PRPSAP2: variants seen among roughly 807,000 people sequenced by gnomAD.
The protein encoded by PRPSAP2 is phosphoribosyl pyrophosphate synthase-associated protein 2.
In PRPSAP2, 24 loss-of-function variants were observed where a neutral mutation model predicts 40.6. The ratio of observed to expected loss-of-function variants is 0.59; its 90% CI spans 0.43 to 0.83. The LOEUF is 0.83. Ranked by LOEUF, PRPSAP2 falls within the 40% of genes least tolerant of loss-of-function variation. PRPSAP2 has a pLI of 0.00. For synonymous variants in PRPSAP2, 149 were observed against 164.7 expected (o/e 0.90, Z 0.73); for missense variants, 292 against 465.6 (o/e 0.63, Z 3.43).
At chr17:18,889,240 G>A (rs1336270258) in intron 7 of PRPSAP2, among the ~76,000 whole-genome samples, 1 of 152,180 alleles carries the variant, frequency 6.6e-6, no homozygotes, top group Non-Finnish European at 1.5e-5. Context: ...TTTAGTGCTT[G>A]TTGTATGGTA....
intron 9 of PRPSAP2, among the ~76,000 whole-genome samples, chr17:18,913,048 C>A (rs1466609790): frequency 6.6e-6 from 1 of 152,226 alleles, no homozygotes; most frequent in Admixed American, 6.5e-5. Context: ...CTCTCAGTCA[C>A]TGGATTCTCA....
At chr17:18,861,990 C>T (rs533365633) in intron 1 of PRPSAP2, among the ~76,000 whole-genome samples, 6 of 152,274 alleles carry the variant, frequency 3.9e-5, no homozygotes, top group Admixed American at 1.3e-4. Flanking sequence ...CAGGTTCAAG[C>T]GATTCACCTG....
At chr17:18,869,838 T>G (rs113396287) in intron 4 of PRPSAP2, among the ~76,000 whole-genome samples, 8,833 of 138,528 alleles carry the variant, frequency 0.064, 335 homozygotes, top group Admixed American at 0.084. Context: ...TTGCTACTTT[T>G]TTTTTGTGTG....
intron 4 of PRPSAP2, 54 bp from the exon 5 acceptor site, chr17:18,872,529 T>G (rs1330453950): frequency 4.4e-6 from 6 of 1,374,064 alleles, no homozygotes; most frequent in Non-Finnish European, 4.1e-6. Context: ...TTGTGTATTT[T>G]GAAAAATTTG....
intron 6 of PRPSAP2, among the ~76,000 whole-genome samples, chr17:18,881,945 ATTC>A (rs1291466937): frequency 1.3e-5 from 2 of 149,784 alleles, no homozygotes; most frequent in Non-Finnish European, 3.0e-5. Flanking sequence ...GATTCAAGCT[ATTC>A]TTCTGCCTCA....
chr17:18,877,585 G>A, intron 5 of PRPSAP2, 113 bp from the exon 6 acceptor site: 1 of 1,027,994 alleles, frequency 9.7e-7, no homozygotes, highest in Admixed American at 3.0e-5. Flanking sequence ...GTTTTTTTCT[G>A]CCTTGCACCT....
At chr17:18,907,539 C>T (rs1597695992) in intron 8 of PRPSAP2, among the ~76,000 whole-genome samples, 1 of 152,274 alleles carries the variant, frequency 6.6e-6, no homozygotes, top group Non-Finnish European at 1.5e-5. Context: ...ACCCCTTCAG[C>T]CTGCTGGATC....
chr17:18,875,440 C>G (rs1267170403), intron 5 of PRPSAP2, among the ~76,000 whole-genome samples: 1 of 151,756 alleles, frequency 6.6e-6, no homozygotes, highest in Non-Finnish European at 1.5e-5. Context: ...TCATGAGCGC[C>G]TGTAGTCCCA....
chr17:18,868,905 G>A (rs772677063), intron 4 of PRPSAP2, among the ~76,000 whole-genome samples: 3 of 151,986 alleles, frequency 2.0e-5, no homozygotes, highest in Non-Finnish European at 4.4e-5. Context: ...GCCTACAGGA[G>A]GCTTTGATAA....
intron 4 of PRPSAP2, 55 bp downstream of exon 4, chr17:18,867,389 G>A: frequency 6.4e-7 from 1 of 1,560,118 alleles, no homozygotes; most frequent in Non-Finnish European, 8.8e-7. Flanking sequence ...GTGGCATATT[G>A]GCTCCGTCCT....
At chr17:18,873,191 C>CTTTT (rs34126027) in intron 5 of PRPSAP2, among the ~76,000 whole-genome samples, 28 of 108,156 alleles carry the variant, frequency 2.6e-4, no homozygotes, top group African/African-American at 4.5e-4. Context: ...AGTAGAGGCT[C>CTTTT]TTTTTTTTTT....
chr17:18,908,253 C>T, intron 8 of PRPSAP2: 1 of 755,556 alleles, frequency 1.3e-6, no homozygotes, highest in Non-Finnish European at 2.5e-6. Flanking sequence ...ACGACCCACT[C>T]AGCCGAGCTG....
chr17:18,863,998 C>T (rs534962054), intron 1 of PRPSAP2, among the ~76,000 whole-genome samples: 53 of 151,422 alleles, frequency 3.5e-4, no homozygotes, highest in Non-Finnish European at 6.0e-4. Flanking sequence ...TACCACCATG[C>T]CTGGCTTATT....
chr17:18,896,980 G>A (rs951621742), intron 8 of PRPSAP2, among the ~76,000 whole-genome samples: 7 of 151,988 alleles, frequency 4.6e-5, no homozygotes, highest in African/African-American at 1.7e-4. Context: ...TTTTTTTTGA[G>A]ACAGGGTCTC....
chr17:18,917,301 A>C (rs1045134595), intron 9 of PRPSAP2: 9 of 152,114 alleles, frequency 5.9e-5, no homozygotes, highest in African/African-American at 1.9e-4. Context: ...AGTCACAAAA[A>C]TGTGACTCGA....
In PRPSAP2 at chr17:18,867,271, C is replaced by T. The variant is rs759679517; in HGVS notation, c.120-11C>T. On this transcript the variant is annotated splice_polypyrimidine_tract_variant and intron_variant, in intron 3 of 11. Transcript: ENST00000268835. ...TACTTTTTCAGCTTTTTCCCCCTTT[C>T]TCTTCTCTAGGCGGCTAGGGGTGGA... 2 of 1,613,694 alleles carry T rather than the reference C, an allele frequency of 1.2e-6. No homozygotes were observed. Among genetic ancestry groups the T allele is most frequent in the Non-Finnish European group, 1.7e-6 (2 of 1,179,840 alleles).
chr17:18,916,991 C>T (rs1220049171), intron 9 of PRPSAP2, among the ~76,000 whole-genome samples: 1 of 152,198 alleles, frequency 6.6e-6, no homozygotes, highest in Non-Finnish European at 1.5e-5. Flanking sequence ...GACCACAGCA[C>T]TCTCTTTGTC....
In PRPSAP2 at chr17:18,930,693, G is replaced by T; in HGVS notation, c.1105G>T (p.Asp369Tyr). ...CCTTTTCAGAAACATAGGCTTAGAT[G>T]ACTGAGTTTTCCTTTAGGAAAACTC... is the stretch of plus-strand genomic sequence containing the variant. ...SYLFRNIGLD[D>Y] The change falls in exon 12 of 12, where the codon GAC becomes TAC. Residue 369 changes from aspartate to tyrosine, a missense_variant. Asp to Tyr is a radical substitution (Grantham distance 160). Around this residue, in one of 2 missense-constraint regions of PRPSAP2, gnomAD observed 241 missense variants for 425.7 expected, o/e 0.57. Coordinates refer to ENST00000268835, the MANE Select transcript of PRPSAP2 (RefSeq NM_002767.4). The T allele has an allele frequency of 6.2e-7, 1 of 1,609,726 alleles. No homozygotes were observed. Among genetic ancestry groups the T allele is most frequent in the South Asian group, 1.1e-5 (1 of 90,506 alleles).
chr17:18,865,496 G>C lies in PRPSAP2; in HGVS notation c.-101G>C, dbSNP rs2037361734. 1 of 153,874 alleles carries C rather than the reference G, an allele frequency of 6.5e-6. No homozygotes were observed. 9.5% of individuals were successfully genotyped at this position (153,874 alleles called of 1,614,324 possible). A position where few individuals can be genotyped will look rare whatever the true frequency, so the allele number is the denominator to read the frequency against. ...GGAATTTTGTTGTCAGAGAATAAAAGGAGGTTGTCCATAATTGACTTTAAG... is the reference window on the plus strand; with the variant it reads ...GGAATTTTGTTGTCAGAGAATAAAACGAGGTTGTCCATAATTGACTTTAAG... On this transcript the variant is annotated 5_prime_UTR_variant, in exon 2 of 12. Transcript: ENST00000268835.
Sources: allele counts gnomAD v4.1 joint callset (sites outside exome capture counted in the v4.1 genomes callset), GRCh38; gene constraint gnomAD v4.1.1; regional missense constraint gnomAD v4.1.1; transcripts MANE v1.5; gene names NCBI Gene and HGNC (gene_info 2026-07-23, HGNC 2026-07-21).